GRM7: variants seen among roughly 807,000 people sequenced by gnomAD.
GRM7 encodes metabotropic glutamate receptor 7.
In GRM7, 35 loss-of-function variants were observed where a neutral mutation model predicts 84.5. The ratio of observed to expected loss-of-function variants is 0.41; its 90% CI spans 0.32 to 0.55. The LOEUF is 0.55. GRM7 is among the 20% of genes least tolerant of loss of function. The pLI, the probability that GRM7 is intolerant of heterozygous loss-of-function variation, is 0.19. For missense variants in GRM7, 1,003 were observed against 1,194.6 expected, an observed-to-expected ratio of 0.84 and a Z score of 2.36; for synonymous variants, 487 against 455.1, an observed-to-expected ratio of 1.07 and a Z score of -0.89.
chr3:7,222,470 G>T (rs543312834), intron 2 of GRM7, among the ~76,000 whole-genome samples: 62 of 152,236 alleles, frequency 4.1e-4, no homozygotes, highest in South Asian at 2.5e-3. Flanking sequence ...AGGAAATGGA[G>T]CCTCAGTCCC....
chr3:7,067,058 C>T (rs1480777293), intron 1 of GRM7, among the ~76,000 whole-genome samples: 1 of 151,852 alleles, frequency 6.6e-6, no homozygotes, highest in African/African-American at 2.4e-5. Flanking sequence ...AACCGACAGC[C>T]AACATAATAC....
chr3:6,895,201 A>G (rs983267352), intron 1 of GRM7, among the ~76,000 whole-genome samples: 1 of 152,186 alleles, frequency 6.6e-6, no homozygotes, highest in Non-Finnish European at 1.5e-5. Context: ...AAAGACTCCA[A>G]AGATTTCTAT....
At chr3:7,449,760 G>C (rs1025428030) in intron 5 of GRM7, among the ~76,000 whole-genome samples, 21 of 152,178 alleles carry the variant, frequency 1.4e-4, no homozygotes, top group Admixed American at 1.2e-3. Context: ...TAGCTATATG[G>C]TAAGAGATAA....
At position 6,862,766 on chromosome 3, in the gene GRM7, A is replaced by G; in HGVS notation, c.519+859A>G. 1 of 303,906 alleles carries G rather than the reference A, an allele frequency of 3.3e-6. No individual in the cohort carries two copies. Among genetic ancestry groups the G allele is most frequent in the Non-Finnish European group, 6.5e-6 (1 of 154,164 alleles). 18.8% of individuals were successfully genotyped at this position (303,906 alleles called of 1,614,324 possible). ...CCACTATCTCCCTGACGCAGACCCC[A>G]AGCCAAATCCTCGGCTTGGAGGACG... On this transcript the variant is annotated intron_variant, in intron 1 of 9. Transcript: ENST00000357716. This position sits in a 1 kb window ranked among gnomAD's most constrained non-coding sequence, Gnocchi z 5.2.
chr3:7,453,662 C>T (rs763820428), intron 6 of GRM7, among the ~76,000 whole-genome samples: 1 of 152,122 alleles, frequency 6.6e-6, no homozygotes, highest in Non-Finnish European at 1.5e-5. Context: ...TGAGTTCTTG[C>T]TCACTTTCCT....
chr3:7,135,146 A>G (rs1279439744), intron 1 of GRM7, among the ~76,000 whole-genome samples: 1 of 152,216 alleles, frequency 6.6e-6, no homozygotes, highest in African/African-American at 2.4e-5. Flanking sequence ...ATCTCTCAGT[A>G]GTTTGGAATA....
chr3:7,066,458 T>G (rs1697667672), intron 1 of GRM7, among the ~76,000 whole-genome samples: 1 of 151,636 alleles, frequency 6.6e-6, no homozygotes, highest in African/African-American at 2.4e-5. Context: ...AATACAACAC[T>G]CTTAGCTTAA....
At chr3:6,893,698 A>G (rs1276058457) in intron 1 of GRM7, among the ~76,000 whole-genome samples, 1 of 152,178 alleles carries the variant, frequency 6.6e-6, no homozygotes, top group Non-Finnish European at 1.5e-5. Flanking sequence ...ACTAACACCC[A>G]CACAATTTAT....
chr3:7,639,492 T>C (rs1031850587), intron 8 of GRM7, among the ~76,000 whole-genome samples: 1 of 152,158 alleles, frequency 6.6e-6, no homozygotes, highest in Admixed American at 6.5e-5. Context: ...CAGTGAACAC[T>C]CTCTAGTTTG....
chr3:7,487,611 A>G (rs1324775912), intron 7 of GRM7, among the ~76,000 whole-genome samples: 3 of 152,230 alleles, frequency 2.0e-5, no homozygotes, highest in African/African-American at 7.2e-5. Context: ...TCCAGAGGGC[A>G]CAAGTGTAGG....
In GRM7 at chr3:7,298,741, T is replaced by C. The variant is rs749505566; in HGVS notation, c.794T>C (p.Ile265Thr). 1.2e-6 allele frequency: 2 copies of C among 1,612,986 alleles called. No individual in the cohort carries two copies. The highest frequency in any genetic ancestry group is 1.7e-6 in the Non-Finnish European group (2 of 1,179,112). Residue 265 changes from isoleucine (I) to threonine (T), a missense_variant, in exon 3 of 10, where the codon ATT (isoleucine) becomes ACT (threonine). By Grantham distance (89) the Ile-to-Thr change is moderately conservative (BLOSUM62 -1). Around this residue, in one of 2 missense-constraint regions of GRM7, gnomAD observed 910 missense variants for 1,126.0 expected, o/e 0.81. Transcript: ENST00000357716. ...RIPQERKDRT[I>T]DFDRIIKQLL... ...CCCCAGGAACGCAAAGACAGGACCATTGACTTTGATAGAATTATCAAACAG... is the reference window on the plus strand; with the variant it reads ...CCCCAGGAACGCAAAGACAGGACCACTGACTTTGATAGAATTATCAAACAG...
chr3:6,931,950 A>G (rs1306087362), intron 1 of GRM7, among the ~76,000 whole-genome samples: 1 of 152,222 alleles, frequency 6.6e-6, no homozygotes, highest in Non-Finnish European at 1.5e-5. Context: ...TTATGATGCA[A>G]TGAGACAAAA....
intron 7 of GRM7, among the ~76,000 whole-genome samples, chr3:7,536,944 A>G (rs1701267172): frequency 6.6e-6 from 1 of 152,212 alleles, no homozygotes; most frequent in Admixed American, 6.5e-5. Context: ...ATGGAATAAT[A>G]GATAACTCAT....
intron 2 of GRM7, among the ~76,000 whole-genome samples, chr3:7,165,067 A>G (rs1042354173): frequency 1.3e-5 from 2 of 152,264 alleles, no homozygotes; most frequent in Non-Finnish European, 1.5e-5. Flanking sequence ...GAATGAATCC[A>G]GAAAGCCACA....
rs1574972440 is a variant in GRM7 at position 6,888,478 on chromosome 3, T to A, written c.519+26571T>A. On this transcript the variant is annotated intron_variant, in intron 1 of 9. Coordinates refer to ENST00000357716, the MANE Select transcript of GRM7 (RefSeq NM_000844.4). Reference sequence around the variant, plus strand: ...TGGCCAGTTTTCCCAGCACCATTTATTAAATAGGGAATCCTTTCCCCATTG... The same window carrying A: ...TGGCCAGTTTTCCCAGCACCATTTAATAAATAGGGAATCCTTTCCCCATTG... 2.6e-5 allele frequency among the ~76,000 whole-genome samples: 4 copies of A among 152,296 alleles called. No homozygotes were observed. The South Asian group carries it at 8.3e-4, about 32-fold the overall frequency.
At chr3:7,580,464 A>G (rs1018243250) in intron 8 of GRM7, among the ~76,000 whole-genome samples, 3 of 152,162 alleles carry the variant, frequency 2.0e-5, no homozygotes, top group Non-Finnish European at 4.4e-5. Context: ...AAAATTTACA[A>G]CAGCCTGTGT....
chr3:7,487,661 CAT>C (rs1311652058), intron 7 of GRM7, among the ~76,000 whole-genome samples: 1 of 152,228 alleles, frequency 6.6e-6, no homozygotes, highest in Non-Finnish European at 1.5e-5. Flanking sequence ...TAACTCTGCA[CAT>C]GTGCAGAATG....
At chr3:7,263,564 C>T (rs954578512) in intron 2 of GRM7, among the ~76,000 whole-genome samples, 3 of 152,202 alleles carry the variant, frequency 2.0e-5, no homozygotes, top group Non-Finnish European at 4.4e-5. Context: ...TCACCAGCTA[C>T]TGTGCATGGT....
chr3:7,502,749 A>G (rs968565398), intron 7 of GRM7, among the ~76,000 whole-genome samples: 34 of 152,320 alleles, frequency 2.2e-4, no homozygotes, highest in African/African-American at 7.9e-4. Flanking sequence ...ATCCTTCTCT[A>G]CTGGTCAATA....
Sources: gnomAD v4.1 joint callset for allele counts (sites outside exome capture counted in the v4.1 genomes callset) on GRCh38, gnomAD v4.1.1 for gene constraint, gnomAD v4.1.1 regional missense constraint, Gnocchi (gnomAD v3.1) non-coding constraint, MANE v1.5 for transcripts, NCBI Gene and HGNC (gene_info 2026-07-23, HGNC 2026-07-21) for gene names.